The following KCNA2 variants were observed in gnomAD, a reference collection of about 807,000 sequenced individuals.
The protein encoded by KCNA2 is potassium voltage-gated channel subfamily A member 2.
Under a neutral mutation model 33.4 loss-of-function variants are expected in KCNA2, and 11 were observed. The ratio of observed to expected loss-of-function variants is 0.33; its 90% CI spans 0.21 to 0.55. KCNA2 has a LOEUF of 0.55. Among genes scored for constraint, KCNA2 ranks in the 20% least tolerant of loss-of-function variants. The probability of loss-of-function intolerance (pLI) is 0.93; values close to 1 mark genes in which losing one functional copy is unlikely to be tolerated. For missense variants in KCNA2, 291 were observed against 621.6 expected, an observed-to-expected ratio of 0.47 and a Z score of 5.66; for synonymous variants, 222 against 231.3, an observed-to-expected ratio of 0.96 and a Z score of 0.37.
intron 1 of KCNA2, among the ~76,000 whole-genome samples, chr1:110,627,799 C>T (rs1216266563): frequency 6.6e-6 from 1 of 150,866 alleles, no homozygotes; most frequent in Non-Finnish European, 1.5e-5. Flanking sequence ...CACTGCACTC[C>T]AGCCTGGAAA....
In KCNA2 at chr1:110,601,631, A is replaced by C; in HGVS notation, c.*1652T>G. On this transcript the variant is annotated 3_prime_UTR_variant, in exon 3 of 3. Transcript: ENST00000316361. Reference sequence around the variant, plus strand: ...AGAAAGACAATTCTAACGTCTAGGAATCCATGGATACCGGAGTGTCTGAGG... The same window carrying C: ...AGAAAGACAATTCTAACGTCTAGGACTCCATGGATACCGGAGTGTCTGAGG... 4 of 1,007,286 alleles carry C rather than the reference A, an allele frequency of 4.0e-6. No homozygotes were observed. Among genetic ancestry groups the C allele is most frequent in the African/African-American group, 1.7e-5 (1 of 58,218 alleles). The allele number at this position is 1,007,286 out of a possible 1,614,324, so 62.4% of individuals were successfully genotyped here. A position where few individuals can be genotyped will look rare whatever the true frequency, so the allele number is the denominator to read the frequency against.
intron 1 of KCNA2, among the ~76,000 whole-genome samples, chr1:110,626,099 G>T (rs1013299599): frequency 1.3e-5 from 2 of 152,068 alleles, no homozygotes; most frequent in Non-Finnish European, 2.9e-5. Flanking sequence ...CACATTTCCA[G>T]GAATTTATTC....
chr1:110,618,199 T>G (rs1318945834), intron 1 of KCNA2, among the ~76,000 whole-genome samples: 4 of 151,962 alleles, frequency 2.6e-5, no homozygotes, highest in Admixed American at 6.5e-5. Context: ...TTAAAAAAAT[T>G]ATCTGGGCAT....
At chr1:110,607,844 A>G (rs1557735162), upstream of KCNA2, 1 of 152,024 alleles carries the variant, frequency 6.6e-6, no homozygotes, top group Non-Finnish European at 1.5e-5. Flanking sequence ...CGCCAGCGCG[A>G]CCCCTTCTCC....
chr1:110,614,188 C>A (rs144273317), intron 1 of KCNA2, among the ~76,000 whole-genome samples: 3 of 152,314 alleles, frequency 2.0e-5, no homozygotes, highest in African/African-American at 7.2e-5. Flanking sequence ...TCTTTGAGGT[C>A]ATTATTCCCA....
Position 110,593,849 on chromosome 1 carries a change from G to T in KCNA2, c.*9434C>A. 6.5e-7 allele frequency: 1 copy of T among 1,549,024 alleles called. No homozygotes were observed. Among genetic ancestry groups the T allele is most frequent in the Non-Finnish European group, 8.7e-7 (1 of 1,146,294 alleles). On this transcript the variant is annotated 3_prime_UTR_variant, in exon 3 of 3. Coordinates refer to ENST00000316361, the MANE Select transcript of KCNA2 (RefSeq NM_004974.4). ...AGAAGTCCTGGGTGGGGCAGTGTTG[G>T]TGGGGCTGAAAGCTTCCAGAATATG...
At chr1:110,612,388 T>A (rs1289773402) in intron 1 of KCNA2, among the ~76,000 whole-genome samples, 1 of 152,158 alleles carries the variant, frequency 6.6e-6, no homozygotes, top group Admixed American at 6.5e-5. Context: ...ATAGTGTAGG[T>A]GATTGTAACA....
At chr1:110,611,064 GGAA>G (rs1649855243), upstream of KCNA2, among the ~76,000 whole-genome samples, 1 of 143,974 alleles carries the variant, frequency 6.9e-6, no homozygotes, top group African/African-American at 2.6e-5. Flanking sequence ...AAGGAAGGAA[GGAA>G]GGAAAGGGAC....
intron 1 of KCNA2, 164 bp from the exon 2 acceptor site, chr1:110,605,886 C>A (rs1649579044): frequency 6.6e-6 from 1 of 152,334 alleles, no homozygotes; most frequent in Non-Finnish European, 1.5e-5. Context: ...CTTGCCTCTT[C>A]TGGGCAGGCT....
At chr1:110,629,533 C>A (rs1157098980) in intron 1 of KCNA2, among the ~76,000 whole-genome samples, 1 of 152,172 alleles carries the variant, frequency 6.6e-6, no homozygotes, top group Admixed American at 6.5e-5. Context: ...CTCAGTGAGG[C>A]ACCTCTTCCT....
chr1:110,622,091 A>G (rs1650272657), intron 1 of KCNA2, among the ~76,000 whole-genome samples: 1 of 152,208 alleles, frequency 6.6e-6, no homozygotes, highest in Admixed American at 6.5e-5. Flanking sequence ...ACATAGACGT[A>G]CAAACCGAAT....
chr1:110,600,632 T>G lies in KCNA2; in HGVS notation c.*2651A>C, dbSNP rs1295647834. 2.1e-5 allele frequency: 21 copies of G among 985,302 alleles called. No individual in the cohort carries two copies. Among genetic ancestry groups the G allele is most frequent in the South Asian group, 9.4e-5 (2 of 21,290 alleles). The allele number at this position is 985,302 out of a possible 1,614,324, so 61.0% of individuals were successfully genotyped here. ...ACTGTATGTGAACATTTTAGAGTCC[T>G]GGGCCAAGGACACTGTGATAAGATA... On this transcript the variant is annotated 3_prime_UTR_variant, in exon 3 of 3. Coordinates refer to ENST00000316361, the MANE Select transcript of KCNA2 (RefSeq NM_004974.4).
Position 110,595,486 on chromosome 1 carries a change from C to T in KCNA2, c.*7797G>A, listed in dbSNP as rs561257459. 2.0e-6 allele frequency: 2 copies of T among 985,468 alleles called. No individual in the cohort carries two copies. Among genetic ancestry groups the T allele is most frequent in the African/African-American group, 1.7e-5 (1 of 57,356 alleles). 61.0% of individuals were successfully genotyped at this position (985,468 alleles called of 1,614,324 possible). On this transcript the variant is annotated 3_prime_UTR_variant, in exon 3 of 3. Coordinates refer to ENST00000316361, the MANE Select transcript of KCNA2 (RefSeq NM_004974.4). ...GGGTGTGGGGAGATGGCAGACACCC[C>T]TGCACCACTTCAATTGCTCCAGATA...
At position 110,593,990 on chromosome 1, in the gene KCNA2, C is replaced by A. The variant is rs1261620360; in HGVS notation, c.*9293G>T. 1.4e-5 allele frequency: 21 copies of A among 1,547,022 alleles called. No individual in the cohort carries two copies. The highest frequency in any genetic ancestry group is 1.8e-5 in the Non-Finnish European group (21 of 1,145,544). On this transcript the variant is annotated 3_prime_UTR_variant, in exon 3 of 3. Transcript: ENST00000316361. ...TCCCAACTCCCATGAGTCTTCCCCG[C>A]AAGTCCTGCTCCGCCTTCAGCTCTC... is the stretch of plus-strand genomic sequence containing the variant.
Position 110,626,929 on chromosome 1 carries a change from T to C in KCNA2, c.-496+4466A>G, listed in dbSNP as rs568191682. ...CTGCATCTCCAGTGAAGTCTTAGTATAAGAAGAATGTGATGACGATGACGA... is the reference window on the plus strand; with the variant it reads ...CTGCATCTCCAGTGAAGTCTTAGTACAAGAAGAATGTGATGACGATGACGA... On this transcript the variant is annotated intron_variant, in intron 1 of 4. Transcript: ENST00000369770. 8.5e-5 allele frequency among the ~76,000 whole-genome samples: 13 copies of C among 152,336 alleles called. No homozygotes were observed. The South Asian group carries it at 1.5e-3, about 17-fold the overall frequency.
chr1:110,611,422 C>T (rs772796665), intron 1 of KCNA2, among the ~76,000 whole-genome samples: 1 of 152,234 alleles, frequency 6.6e-6, no homozygotes, highest in Non-Finnish European at 1.5e-5. Flanking sequence ...CACCGCAATA[C>T]TGGCTAAATA....
In KCNA2 at chr1:110,600,002, C is replaced by A; in HGVS notation, c.*3281G>T. On this transcript the variant is annotated 3_prime_UTR_variant, in exon 3 of 3. Coordinates refer to ENST00000316361, the MANE Select transcript of KCNA2 (RefSeq NM_004974.4). ...CTGCTTGATGTGGTGGCCCATCCTCCTGCTTGAAACCTAGGAGTTACTTCT... is the reference window on the plus strand; with the variant it reads ...CTGCTTGATGTGGTGGCCCATCCTCATGCTTGAAACCTAGGAGTTACTTCT... 1.0e-6 allele frequency: 1 copy of A among 985,166 alleles called. No homozygotes were observed. The highest frequency in any genetic ancestry group is 1.2e-6 in the Non-Finnish European group (1 of 829,870). The allele number at this position is 985,166 out of a possible 1,614,324, so 61.0% of individuals were successfully genotyped here. A position where few individuals can be genotyped will look rare whatever the true frequency, so the allele number is the denominator to read the frequency against.
Position 110,603,210 on chromosome 1 carries a change from T to C in KCNA2, c.*73A>G. 2.6e-6 allele frequency: 4 copies of C among 1,532,442 alleles called. No homozygotes were observed. The South Asian group carries it at 5.3e-5, about 20-fold the overall frequency. 94.9% of individuals were successfully genotyped at this position (1,532,442 alleles called of 1,614,324 possible). A position where few individuals can be genotyped will look rare whatever the true frequency, so the allele number is the denominator to read the frequency against. On this transcript the variant is annotated 3_prime_UTR_variant, in exon 3 of 3. Transcript: ENST00000316361. This position sits in a 1 kb window ranked among gnomAD's most constrained non-coding sequence, Gnocchi z 5.7. ...ACCAGATACACACTGTAGAACACAC[T>C]GACTACAATGCAGGCTATTATGCAA...
chr1:110,594,256 T>C lies in KCNA2; in HGVS notation c.*9027A>G. 2 of 1,010,960 alleles carry C rather than the reference T, an allele frequency of 2.0e-6. No individual in the cohort carries two copies. The highest frequency in any genetic ancestry group is 2.4e-6 in the Non-Finnish European group (2 of 848,094). 62.6% of individuals were successfully genotyped at this position (1,010,960 alleles called of 1,614,324 possible). A position where few individuals can be genotyped will look rare whatever the true frequency, so the allele number is the denominator to read the frequency against. On this transcript the variant is annotated 3_prime_UTR_variant, in exon 3 of 3. Coordinates refer to ENST00000316361, the MANE Select transcript of KCNA2 (RefSeq NM_004974.4). The stretch of plus-strand genomic sequence containing the variant: ...AACTGGAGTCTGTGCTGCATGAGCC[T>C]AAGTGAGTGGCGGCCATTTCCTCTC...
Sources: allele counts gnomAD v4.1 joint callset (sites outside exome capture counted in the v4.1 genomes callset), GRCh38; gene constraint gnomAD v4.1.1; non-coding constraint Gnocchi (gnomAD v3.1); transcripts MANE v1.5; gene names NCBI Gene and HGNC (gene_info 2026-07-23, HGNC 2026-07-21).